The following AGBL4 variants were observed in gnomAD, a reference collection of about 807,000 sequenced individuals.
AGBL4 encodes the protein cytosolic carboxypeptidase 6.
In AGBL4, 58 loss-of-function variants were observed where a neutral mutation model predicts 66.4. The ratio of observed to expected loss-of-function variants is 0.87; its 90% CI spans 0.71 to 1.09. AGBL4 has a LOEUF of 1.09. Among genes scored for constraint, AGBL4 ranks in the 50% least tolerant of loss-of-function variants. AGBL4 has a pLI of 0.00. For missense variants in AGBL4, 579 were observed against 631.0 expected, an observed-to-expected ratio of 0.92 and a Z score of 0.88; for synonymous variants, 234 against 222.9, an observed-to-expected ratio of 1.05 and a Z score of -0.44.
At chr1:49,365,222 G>T (rs1557872594) in intron 3 of AGBL4, among the ~76,000 whole-genome samples, 1 of 152,124 alleles carries the variant, frequency 6.6e-6, no homozygotes, top group Admixed American at 6.5e-5. Flanking sequence ...AGACATTAAA[G>T]AAATGGCATG....
At chr1:49,405,901 T>C (rs969450303) in intron 3 of AGBL4, among the ~76,000 whole-genome samples, 5 of 152,332 alleles carry the variant, frequency 3.3e-5, no homozygotes, top group Non-Finnish European at 7.3e-5. Flanking sequence ...TCATAATATC[T>C]GCACATTTGG....
chr1:49,393,303 T>C (rs1334970102), intron 3 of AGBL4, among the ~76,000 whole-genome samples: 1 of 152,114 alleles, frequency 6.6e-6, no homozygotes, highest in Non-Finnish European at 1.5e-5. Context: ...TAAGAATGAA[T>C]TTTAGTTATC....
At chr1:49,204,055 C>A (rs1647936245) in intron 4 of AGBL4, among the ~76,000 whole-genome samples, 1 of 151,954 alleles carries the variant, frequency 6.6e-6, no homozygotes, top group South Asian at 2.1e-4. Context: ...GCCCTCAGGG[C>A]AGAAAGTATT....
At chr1:49,762,557 C>T (rs1448420531) in intron 2 of AGBL4, among the ~76,000 whole-genome samples, 6 of 151,898 alleles carry the variant, frequency 4.0e-5, no homozygotes, top group African/African-American at 9.7e-5. Flanking sequence ...GGACTACAGG[C>T]GCCTGCCACC....
intron 3 of AGBL4, among the ~76,000 whole-genome samples, chr1:49,451,338 T>G (rs918015141): frequency 6.6e-6 from 1 of 152,074 alleles, no homozygotes; most frequent in African/African-American, 2.4e-5. Context: ...CATAATTGAT[T>G]TGAGACCTTT....
At chr1:49,783,824 C>T (rs1644390987) in intron 2 of AGBL4, among the ~76,000 whole-genome samples, 1 of 151,886 alleles carries the variant, frequency 6.6e-6, no homozygotes, top group African/African-American at 2.4e-5. Context: ...TATATCAACA[C>T]ACCAAAAAAA....
intron 6 of AGBL4, among the ~76,000 whole-genome samples, chr1:48,718,062 T>A (rs566090581): frequency 6.6e-6 from 1 of 152,242 alleles, no homozygotes; most frequent in African/African-American, 2.4e-5. Flanking sequence ...GCTGCCCTTC[T>A]CACTCAAAAT....
At chr1:49,915,904 G>C (rs1028202262) in intron 1 of AGBL4, among the ~76,000 whole-genome samples, 1 of 152,152 alleles carries the variant, frequency 6.6e-6, no homozygotes, top group Admixed American at 6.5e-5. Flanking sequence ...GGAATGATCA[G>C]GCAGCAACAT....
intron 2 of AGBL4, among the ~76,000 whole-genome samples, chr1:49,763,251 G>A (rs958751722): frequency 6.6e-6 from 1 of 152,162 alleles, no homozygotes; most frequent in Admixed American, 6.5e-5. Context: ...TTTTATGCCA[G>A]TCCCATGCTG....
At chr1:48,540,836 C>T (rs913412662) in intron 11 of AGBL4, among the ~76,000 whole-genome samples, 4 of 152,148 alleles carry the variant, frequency 2.6e-5, no homozygotes, top group African/African-American at 9.7e-5. Flanking sequence ...TCCTAGATTG[C>T]TGTCATCCTG....
At chr1:49,890,386 G>C (rs6588367) in intron 1 of AGBL4, among the ~76,000 whole-genome samples, 64,294 of 151,868 alleles carry the variant, frequency 0.42, 16,107 homozygotes, top group Non-Finnish European at 0.57. Flanking sequence ...ACTCATTCAG[G>C]GGCCCTTGCA....
intron 6 of AGBL4, among the ~76,000 whole-genome samples, chr1:48,679,347 C>T (rs1646418214): frequency 6.6e-6 from 1 of 152,170 alleles, no homozygotes; most frequent in South Asian, 2.1e-4. Context: ...ACTGGCTGTG[C>T]AGCAATAATC....
rs529620605 is a variant in AGBL4 at position 49,253,765 on chromosome 1, C to T, written c.283-7901G>A. Among the ~76,000 whole-genome samples, 19 of 151,770 alleles carry T rather than the reference C, an allele frequency of 1.3e-4. No homozygotes were observed. In the South Asian group the frequency reaches 4.0e-3, roughly 32 times the overall value. ...TGATGAACACTGACGCAAAAATCCT[C>T]AACAAAATACTGGCAGAGAGAATCC... is the stretch of plus-strand genomic sequence containing the variant. On this transcript the variant is annotated intron_variant, in intron 3 of 13. Coordinates refer to ENST00000371839, the MANE Select transcript of AGBL4 (RefSeq NM_032785.4).
chr1:48,640,171 T>G (rs1335755791), intron 8 of AGBL4, among the ~76,000 whole-genome samples: 1 of 152,210 alleles, frequency 6.6e-6, no homozygotes, highest in Non-Finnish European at 1.5e-5. Flanking sequence ...AAAGAATCTT[T>G]CACATTAGGA....
At chr1:49,111,560 G>T (rs554393147) in intron 4 of AGBL4, among the ~76,000 whole-genome samples, 1 of 152,278 alleles carries the variant, frequency 6.6e-6, no homozygotes, top group East Asian at 1.9e-4. Context: ...TCCACAGAGA[G>T]GCTTCTTTTG....
chr1:48,859,881 T>C (rs1468024836), intron 6 of AGBL4, among the ~76,000 whole-genome samples: 6 of 152,164 alleles, frequency 3.9e-5, no homozygotes. Context: ...ATGAAATAAT[T>C]GGAGACAACA....
intron 5 of AGBL4, among the ~76,000 whole-genome samples, chr1:48,928,684 G>C (rs988353294): frequency 1.3e-5 from 2 of 152,008 alleles, no homozygotes; most frequent in Non-Finnish European, 2.9e-5. Context: ...ACCTCTCTGG[G>C]CCTTAGTTGT....
intron 2 of AGBL4, among the ~76,000 whole-genome samples, chr1:49,809,018 G>T (rs572988762): frequency 6.6e-6 from 1 of 152,280 alleles, no homozygotes; most frequent in African/African-American, 2.4e-5. Context: ...CTAGTAGGCG[G>T]TTAGGCAATT....
At chr1:49,112,120 AT>A (rs1456264790) in intron 4 of AGBL4, among the ~76,000 whole-genome samples, 1 of 150,292 alleles carries the variant, frequency 6.7e-6, no homozygotes, top group Non-Finnish European at 1.5e-5. Context: ...GGCAACATGT[AT>A]AACATGTGTG....
Sources: gnomAD v4.1 joint callset for allele counts (sites outside exome capture counted in the v4.1 genomes callset) on GRCh38, gnomAD v4.1.1 for gene constraint, MANE v1.5 for transcripts, NCBI Gene and HGNC (gene_info 2026-07-23, HGNC 2026-07-21) for gene names.